The following PTPN21 variants were observed in gnomAD, a reference collection of about 807,000 sequenced individuals.
The protein encoded by PTPN21 is protein tyrosine phosphatase non-receptor type 21.
PTPN21 carries 77 observed loss-of-function variants against 131.8 expected under a neutral mutation model. That is an observed-to-expected ratio of 0.58 (90% CI 0.49 to 0.71). The LOEUF (loss-of-function observed/expected upper bound fraction) is 0.71. Among genes scored for constraint, PTPN21 ranks in the 30% least tolerant of loss-of-function variants. The probability of loss-of-function intolerance (pLI) is 0.00; values close to 1 mark genes in which losing one functional copy is unlikely to be tolerated. For synonymous variants in PTPN21, 715 were observed against 621.3 expected (o/e 1.15, Z -2.24); for missense variants, 1,552 against 1,527.1 (o/e 1.02, Z -0.27).
chr14:88,497,856 T>C (rs113566037), intron 8 of PTPN21, among the ~76,000 whole-genome samples: 9,726 of 151,834 alleles, frequency 0.064, 419 homozygotes, highest in African/African-American at 0.13. Context: ...TCCGAGCACT[T>C]TGGGAGGCCG....
Position 88,480,348 on chromosome 14 carries a change from G to A in PTPN21, c.1083C>T (p.Asn361=), listed in dbSNP as rs1420424725. The part of the protein sequence containing the change: ...YTEPYASSQD[N]LFVPNQNGYY... ...ATCCGTTCTGGTTGGGCACAAAGAGGTTATCTAGAAAAAATGAGTTCAAAA... is the reference window on the plus strand; with the variant it reads ...ATCCGTTCTGGTTGGGCACAAAGAGATTATCTAGAAAAAATGAGTTCAAAA... The change falls in exon 13 of 19, where the codon AAC becomes AAT. Residue 361 remains asparagine, a synonymous_variant. Coordinates refer to ENST00000556564, the MANE Select transcript of PTPN21 (RefSeq NM_007039.4). 4.4e-6 allele frequency: 7 copies of A among 1,601,568 alleles called. No individual in the cohort carries two copies. In the African/African-American group the frequency reaches 9.4e-5, roughly 22 times the overall value.
chr14:88,489,266 T>C (rs2077785595), intron 10 of PTPN21, among the ~76,000 whole-genome samples: 1 of 152,194 alleles, frequency 6.6e-6, no homozygotes, highest in Admixed American at 6.5e-5. Context: ...CGTCTGAATT[T>C]TGCTTTGTAA....
chr14:88,537,148 A>G (rs2078642835), intron 2 of PTPN21, among the ~76,000 whole-genome samples: 1 of 152,240 alleles, frequency 6.6e-6, no homozygotes, highest in Non-Finnish European at 1.5e-5. Context: ...ACTCAAGAAA[A>G]TAATCAAGAG....
intron 13 of PTPN21, among the ~76,000 whole-genome samples, chr14:88,476,674 C>T (rs73329682): frequency 0.037 from 5,643 of 152,174 alleles, 356 homozygotes; most frequent in African/African-American, 0.13. Context: ...GGGTCCTGAC[C>T]GTGGTCACAG....
intron 2 of PTPN21, among the ~76,000 whole-genome samples, chr14:88,528,170 T>A (rs1003779440): frequency 2.6e-5 from 4 of 152,200 alleles, no homozygotes; most frequent in Non-Finnish European, 5.9e-5. Flanking sequence ...GATTGTTTTT[T>A]CTAGTTCTGT....
chr14:88,501,461 A>C, intron 6 of PTPN21, 93 bp from the exon 7 acceptor site: 3 of 1,058,626 alleles, frequency 2.8e-6, no homozygotes, highest in Non-Finnish European at 4.3e-6. Context: ...AATTTAGCAT[A>C]AGACATTATA....
intron 10 of PTPN21, among the ~76,000 whole-genome samples, chr14:88,489,780 A>C (rs554061718): frequency 4.6e-5 from 7 of 152,224 alleles, no homozygotes; most frequent in East Asian, 1.9e-4. Flanking sequence ...CCCAGCCTAC[A>C]CTTGGGTAGA....
At chr14:88,476,774 C>A (rs908673684) in intron 13 of PTPN21, among the ~76,000 whole-genome samples, 1 of 152,128 alleles carries the variant, frequency 6.6e-6, no homozygotes, top group African/African-American at 2.4e-5. Flanking sequence ...AGCTGCCATA[C>A]CCATTCCTTA....
chr14:88,515,733 T>C (rs981480072), intron 3 of PTPN21, among the ~76,000 whole-genome samples: 3 of 152,216 alleles, frequency 2.0e-5, no homozygotes, highest in Non-Finnish European at 4.4e-5. Flanking sequence ...TATCATAGGA[T>C]ACTGTAACTA....
At chr14:88,524,898 C>G (rs940389268) in intron 2 of PTPN21, among the ~76,000 whole-genome samples, 9 of 152,056 alleles carry the variant, frequency 5.9e-5, no homozygotes, top group Non-Finnish European at 8.8e-5. Context: ...GAGCAAGACC[C>G]TCTTAAAAAC....
In PTPN21 at chr14:88,480,251, C is replaced by G. The variant is rs1227682086; in HGVS notation, c.1180G>C (p.Val394Leu). ...GAGTTGGTGCTGTGTGCACTGTAGA[C>G]ACTGCCATTACGGATCCGACCGTTG... ...DLNGRIRNGS[V>L]YSAHSTNSLN... The change falls in exon 13 of 19, where the codon GTC (valine) becomes CTC (leucine). Residue 394 changes from valine to leucine, a missense_variant. Around this residue, in one of 4 missense-constraint regions of PTPN21, gnomAD observed 1,016 missense variants for 883.5 expected, o/e 1.15. Transcript: ENST00000556564. The G allele has an allele frequency of 1.2e-6, 2 of 1,614,144 alleles. No individual in the cohort carries two copies. Among genetic ancestry groups the G allele is most frequent in the Non-Finnish European group, 1.7e-6 (2 of 1,179,964 alleles).
chr14:88,485,107 T>C lies in PTPN21; in HGVS notation c.1047A>G (p.Gly349=). ...MPPPPQLHYN[G]HYTEPYASSQ... ...AAGAAGCATATGGTTCTGTATAATG[T>C]CCATTATAGTGCAACTGCGGTGGGG... Residue 349 remains glycine, a synonymous_variant, in exon 12 of 19, where the codon GGA becomes GGG. Transcript: ENST00000556564. 1.2e-6 allele frequency: 2 copies of C among 1,608,032 alleles called. No individual in the cohort carries two copies. The highest frequency in any genetic ancestry group is 1.7e-6 in the Non-Finnish European group (2 of 1,175,250).
chr14:88,542,558 G>C (rs1413277346), intron 2 of PTPN21, among the ~76,000 whole-genome samples: 1 of 152,170 alleles, frequency 6.6e-6, no homozygotes, highest in Non-Finnish European at 1.5e-5. Context: ...AAGTTTATTA[G>C]GCACTAAGTC....
At chr14:88,528,729 A>T (rs1392834513) in intron 2 of PTPN21, among the ~76,000 whole-genome samples, 1 of 152,214 alleles carries the variant, frequency 6.6e-6, no homozygotes, top group African/African-American at 2.4e-5. Context: ...TTCATCCTCC[A>T]CCATGATTGT....
intron 2 of PTPN21, among the ~76,000 whole-genome samples, chr14:88,538,540 G>GT (rs1214463363): frequency 2.0e-5 from 3 of 152,102 alleles, no homozygotes; most frequent in Non-Finnish European, 4.4e-5. Context: ...TTTGCCTGAC[G>GT]TGAGTGCAAA....
At position 88,479,045 on chromosome 14, in the gene PTPN21, T is replaced by G. The variant is rs766722992; in HGVS notation, c.2386A>C (p.Met796Leu). The change falls in exon 13 of 19, where the codon ATG (methionine) becomes CTG (leucine). Residue 796 changes from methionine (M) to leucine (L), a missense_variant. Met to Leu is a conservative substitution (Grantham distance 15). Coordinates refer to ENST00000556564, the MANE Select transcript of PTPN21 (RefSeq NM_007039.4). Reference sequence around the variant, plus strand: ...GACGTGGTGAGGTCGGACTCCGACATGGAGGGCATCAGCAGCCCGTCTCTC... The same window carrying G: ...GACGTGGTGAGGTCGGACTCCGACAGGGAGGGCATCAGCAGCCCGTCTCTC... The part of the protein sequence containing the change: ...PWRDGLLMPS[M>L]SESDLTTSGR... The G allele has an allele frequency of 1.1e-4, 177 of 1,607,342 alleles. No individual in the cohort carries two copies. The highest frequency in any genetic ancestry group is 1.4e-4 in the Non-Finnish European group (167 of 1,177,664).
Position 88,479,851 on chromosome 14 carries a change from G to C in PTPN21, c.1580C>G (p.Pro527Arg), listed in dbSNP as rs200405209. 2 of 1,563,706 alleles carry C rather than the reference G, an allele frequency of 1.3e-6. No individual in the cohort carries two copies. The highest frequency in any genetic ancestry group is 1.7e-5 in the Admixed American group (1 of 58,150). The change falls in exon 13 of 19, where the codon CCT (proline) becomes CGT (arginine). Residue 527 changes from proline (P) to arginine (R), a missense_variant. Pro to Arg is a moderately radical substitution (Grantham distance 103, BLOSUM62 -2). Transcript: ENST00000556564. ...SFHSPSPYPY[P>R]AERRPVVGAV... ...GCCCACCACGGGCCGCCGCTCGGCA[G>C]GGTAGGGGTAGGGAGACGGGCTGTG...
chr14:88,495,369 G>A (rs2077895389), intron 10 of PTPN21, among the ~76,000 whole-genome samples: 1 of 152,070 alleles, frequency 6.6e-6, no homozygotes, highest in South Asian at 2.1e-4. Context: ...GGAGTCAAGA[G>A]CTCAAGGAGG....
chr14:88,503,656 A>G (rs1009111071), intron 6 of PTPN21, among the ~76,000 whole-genome samples: 3 of 152,196 alleles, frequency 2.0e-5, no homozygotes, highest in Non-Finnish European at 2.9e-5. Flanking sequence ...GTATGCTAAC[A>G]TAAGTGTTCT....
Sources: allele counts gnomAD v4.1 joint callset (sites outside exome capture counted in the v4.1 genomes callset), GRCh38; gene constraint gnomAD v4.1.1; regional missense constraint gnomAD v4.1.1; transcripts MANE v1.5; gene names NCBI Gene and HGNC (gene_info 2026-07-23, HGNC 2026-07-21).